The following INPP5K variants were observed in gnomAD, a reference collection of about 807,000 sequenced individuals.
The protein encoded by INPP5K is inositol polyphosphate-5-phosphatase K, also known as inositol polyphosphate 5-phosphatase K.
A neutral mutation model predicts 53.5 loss-of-function variants in INPP5K; 35 were observed. The ratio of observed to expected loss-of-function variants is 0.65; its 90% CI spans 0.50 to 0.87. The LOEUF (loss-of-function observed/expected upper bound fraction) is 0.87. Ranked by LOEUF, INPP5K falls within the 40% of genes least tolerant of loss-of-function variation. The pLI, the probability that INPP5K is intolerant of heterozygous loss-of-function variation, is 0.00. For synonymous variants in INPP5K, 253 were observed against 232.8 expected, an observed-to-expected ratio of 1.09 and a Z score of -0.79; for missense variants, 550 against 586.2, an observed-to-expected ratio of 0.94 and a Z score of 0.64.
chr17:1,499,962 A>G (rs982953158), intron 7 of INPP5K, among the ~76,000 whole-genome samples: 6 of 152,222 alleles, frequency 3.9e-5, no homozygotes, highest in Admixed American at 3.3e-4. Context: ...TGATTGATCA[A>G]TCCATCGACA....
chr17:1,516,069 C>T, intron 1 of INPP5K: 1 of 1,100,874 alleles, frequency 9.1e-7, no homozygotes, highest in Non-Finnish European at 1.1e-6. Flanking sequence ...AATCTGATTT[C>T]GGATTCCCGG....
chr17:1,498,812 G>C (rs2074930595), intron 7 of INPP5K, among the ~76,000 whole-genome samples: 1 of 152,174 alleles, frequency 6.6e-6, no homozygotes, highest in Non-Finnish European at 1.5e-5. Flanking sequence ...TCCCAGCCTA[G>C]TTTTGAACTG....
At chr17:1,496,498 C>T (rs961140546) in intron 9 of INPP5K, 96 bp from the exon 10 acceptor site, 92 of 1,326,174 alleles carry the variant, frequency 6.9e-5, no homozygotes, top group Non-Finnish European at 8.9e-5. Context: ...GCCTGGCTAC[C>T]GTACTGTGTG....
intron 7 of INPP5K, among the ~76,000 whole-genome samples, chr17:1,504,203 T>C (rs1224040880): frequency 6.6e-6 from 1 of 152,192 alleles, no homozygotes; most frequent in African/African-American, 2.4e-5. Flanking sequence ...CTCTGCTCTC[T>C]GGGCAATCAC....
At chr17:1,509,048 G>A in intron 5 of INPP5K, 130 bp downstream of exon 5, 1 of 818,982 alleles carries the variant, frequency 1.2e-6, no homozygotes. Flanking sequence ...TGCAGACCCA[G>A]GCTCACTCGT....
chr17:1,496,837 G>A (rs777910379), intron 8 of INPP5K, 34 bp from the exon 9 acceptor site: 34 of 1,606,468 alleles, frequency 2.1e-5, no homozygotes, highest in African/African-American at 9.4e-5. Flanking sequence ...GCTGAATCTC[G>A]CAGCATCATT....
chr17:1,501,858 AACACACAC>A (rs144743570), intron 7 of INPP5K, among the ~76,000 whole-genome samples: 2 of 147,732 alleles, frequency 1.4e-5, no homozygotes, highest in Non-Finnish European at 3.0e-5. Context: ...CTCTACTAAA[AACACACAC>A]ACACACACAC....
intron 7 of INPP5K, among the ~76,000 whole-genome samples, chr17:1,501,298 G>A (rs1250584802): frequency 5.3e-5 from 8 of 152,208 alleles, no homozygotes; most frequent in Non-Finnish European, 2.9e-5. Flanking sequence ...CAATGTACTG[G>A]TGTCCCTTCA....
chr17:1,496,420 G>C lies in INPP5K; in HGVS notation c.1102-18C>G. On this transcript the variant is annotated intron_variant, in intron 9 of 11. Coordinates refer to ENST00000421807, the MANE Select transcript of INPP5K (RefSeq NM_016532.4). ...AGCCCCACCTGTGAGGGGGAGTCAG[G>C]CCATCAGTGGTCAGGGAGGACATGG... is the stretch of plus-strand genomic sequence containing the variant. The C allele has an allele frequency of 6.5e-7, 1 of 1,548,272 alleles. No individual in the cohort carries two copies. The highest frequency in any genetic ancestry group is 8.7e-7 in the Non-Finnish European group (1 of 1,142,976).
In INPP5K at chr17:1,496,331, G is replaced by C. The variant is rs1257173485; in HGVS notation, c.1173C>G (p.Asp391Glu). The C allele has an allele frequency of 1.3e-6, 2 of 1,561,420 alleles. No individual in the cohort carries two copies. The highest frequency in any genetic ancestry group is 2.4e-5 in the South Asian group (2 of 85,016). ...GCTGGTGACGTACCTGGTTCAGGTT[G>C]TCGCTGCAGGAGACCTTGCTGTCCC... ...WVGDSKVSCS[D>E]NLNQVYIDIS... is the part of the protein sequence containing the mutation. Residue 391 changes from aspartate (D) to glutamate (E), a missense_variant, in exon 10 of 12, where the codon GAC becomes GAG. Coordinates refer to ENST00000421807, the MANE Select transcript of INPP5K (RefSeq NM_016532.4).
At chr17:1,515,239 ATC>A (rs1278046387) in intron 1 of INPP5K, among the ~76,000 whole-genome samples, 1 of 152,176 alleles carries the variant, frequency 6.6e-6, no homozygotes, top group East Asian at 1.9e-4. Flanking sequence ...GTTTCTCGAC[ATC>A]TCTCTTAAGA....
chr17:1,506,275 C>T lies in INPP5K; in HGVS notation c.776+705G>A, dbSNP rs552135481. On this transcript the variant is annotated intron_variant, in intron 7 of 11. Transcript: ENST00000421807. ...CTGACCTTCAGTGATCCACCTGCCT[C>T]GGCCCTCCCAAAGTGCTGGGATTAC... Among the ~76,000 whole-genome samples, 6 of 152,224 alleles carry T rather than the reference C, an allele frequency of 3.9e-5. No individual in the cohort carries two copies. The East Asian group carries it at 5.8e-4, about 15-fold the overall frequency.
Position 1,495,627 on chromosome 17 carries a change from T to C in INPP5K, c.*196A>G. Reference sequence around the variant, plus strand: ...CACATCTCAGCAACAAAAACCTGTATTTAAGCGGCTAATTCCAGAGATGAG... The same window carrying C: ...CACATCTCAGCAACAAAAACCTGTACTTAAGCGGCTAATTCCAGAGATGAG... On this transcript the variant is annotated 3_prime_UTR_variant, in exon 12 of 12. Transcript: ENST00000421807. The C allele has an allele frequency of 1.8e-6, 1 of 565,212 alleles. No individual in the cohort carries two copies. The highest frequency in any genetic ancestry group is 3.1e-6 in the Non-Finnish European group (1 of 320,534). 35.0% of individuals were successfully genotyped at this position (565,212 alleles called of 1,614,324 possible).
At chr17:1,515,508 A>G in intron 1 of INPP5K, 1 of 984,612 alleles carries the variant, frequency 1.0e-6, no homozygotes, top group African/African-American at 1.8e-5. Context: ...GGCAGGAGCT[A>G]CAGACCCTGC....
At chr17:1,511,041 A>T (rs1027487425) in intron 3 of INPP5K, among the ~76,000 whole-genome samples, 1 of 152,118 alleles carries the variant, frequency 6.6e-6, no homozygotes, top group Non-Finnish European at 1.5e-5. Flanking sequence ...TGAAAAAAAA[A>T]TAAGAAAATG....
At chr17:1,496,443 T>C in intron 9 of INPP5K, 41 bp from the exon 10 acceptor site, 1 of 1,509,046 alleles carries the variant, frequency 6.6e-7, no homozygotes, top group Non-Finnish European at 9.0e-7. Flanking sequence ...AGGGAGGACA[T>C]GGGACCTAAG....
intron 7 of INPP5K, among the ~76,000 whole-genome samples, chr17:1,501,746 C>T (rs892435919): frequency 2.0e-5 from 3 of 152,172 alleles, no homozygotes; most frequent in East Asian, 1.9e-4. Flanking sequence ...GGGCTGGGCA[C>T]GGTGGCTCAC....
chr17:1,497,092 C>T (rs1039358509), intron 8 of INPP5K, among the ~76,000 whole-genome samples: 2 of 152,232 alleles, frequency 1.3e-5, no homozygotes, highest in African/African-American at 4.8e-5. Flanking sequence ...AGGAGGCGGC[C>T]AGGCAGCTGC....
intron 3 of INPP5K, 86 bp from the exon 4 acceptor site, chr17:1,509,885 G>C (rs1407508152): frequency 5.2e-6 from 4 of 765,918 alleles, no homozygotes; most frequent in Non-Finnish European, 9.0e-6. Context: ...GGACTCTAGA[G>C]AGCCCTCAGC....
Sources: gnomAD v4.1 joint callset for allele counts (sites outside exome capture counted in the v4.1 genomes callset) on GRCh38, gnomAD v4.1.1 for gene constraint, MANE v1.5 for transcripts, NCBI Gene and HGNC (gene_info 2026-07-23, HGNC 2026-07-21) for gene names.